RANBP17: variants seen among roughly 807,000 people sequenced by gnomAD.
The protein encoded by RANBP17 is RAN binding protein 17.
RANBP17 carries 158 observed loss-of-function variants against 141.2 expected under a neutral mutation model. The observed-to-expected ratio is 1.12, with a 90% CI of 0.98 to 1.28. The LOEUF (loss-of-function observed/expected upper bound fraction) is 1.28, where lower values mean the gene tolerates loss of function less well. Among genes scored for constraint, RANBP17 ranks in the 50% most tolerant of loss-of-function variants. The pLI is 0.00. For synonymous variants in RANBP17, 430 were observed against 450.0 expected, an observed-to-expected ratio of 0.96 and a Z score of 0.56; for missense variants, 1,438 against 1,290.7, an observed-to-expected ratio of 1.11 and a Z score of -1.75.
rs375856385 is a variant in RANBP17 at position 170,877,353 on chromosome 5, G to C, written c.19-744G>C. Reference sequence around the variant, plus strand: ...GTATCAAGGCTCACTGCAGTCTCAAGCTCCAGGGCTCAAGCGATTCTCCCA... The same window carrying C: ...GTATCAAGGCTCACTGCAGTCTCAACCTCCAGGGCTCAAGCGATTCTCCCA... On this transcript the variant is annotated intron_variant, in intron 1 of 27. Transcript: ENST00000523189. 4.1e-4 allele frequency among the ~76,000 whole-genome samples: 63 copies of C among 152,118 alleles called. 1 individual carries two copies. In the South Asian group the frequency reaches 0.013, roughly 31 times the overall value.
intron 1 of RANBP17, among the ~76,000 whole-genome samples, chr5:170,870,037 A>G (rs1005502455): frequency 6.6e-6 from 1 of 152,136 alleles, no homozygotes; most frequent in African/African-American, 2.4e-5. Flanking sequence ...AGTCTACTTC[A>G]AAGAATCTTA....
At chr5:170,991,165 G>T (rs1179511718) in intron 14 of RANBP17, among the ~76,000 whole-genome samples, 1 of 151,910 alleles carries the variant, frequency 6.6e-6, no homozygotes, top group African/African-American at 2.4e-5. Flanking sequence ...TGTAGGAGAT[G>T]AAAATTATTA....
chr5:170,966,493 AC>A (rs1177947648), intron 13 of RANBP17, among the ~76,000 whole-genome samples: 6 of 152,140 alleles, frequency 3.9e-5, no homozygotes, highest in East Asian at 1.9e-4. Flanking sequence ...AAATTCAACA[AC>A]CCTTCAAGCT....
chr5:170,977,202 T>G (rs1430576025), intron 14 of RANBP17, among the ~76,000 whole-genome samples: 1 of 151,940 alleles, frequency 6.6e-6, no homozygotes, highest in Non-Finnish European at 1.5e-5. Context: ...CAGACATTTC[T>G]CCAAAGAAAA....
chr5:170,877,988 A>G, intron 1 of RANBP17, 109 bp from the exon 2 acceptor site: 1 of 700,940 alleles, frequency 1.4e-6, no homozygotes, highest in Non-Finnish European at 2.2e-6. Context: ...ATAAACATGT[A>G]TTGAATTAAT....
At chr5:171,281,547 G>T (rs769285250) in intron 25 of RANBP17, among the ~76,000 whole-genome samples, 1 of 152,118 alleles carries the variant, frequency 6.6e-6, no homozygotes, top group Admixed American at 6.6e-5. Flanking sequence ...CCTGAAGGCC[G>T]CAGAGACCAC....
Position 170,909,664 on chromosome 5 carries a change from G to T in RANBP17, c.493G>T (p.Asp165Tyr). The T allele has an allele frequency of 7.1e-7, 1 of 1,408,462 alleles. No individual in the cohort carries two copies. Among genetic ancestry groups the T allele is most frequent in the South Asian group, 1.3e-5 (1 of 76,714 alleles). The allele number at this position is 1,408,462 out of a possible 1,614,324, so 87.2% of individuals were successfully genotyped here. The change falls in exon 6 of 28, where the codon GAT (aspartate) becomes TAT (tyrosine). Residue 165 changes from aspartate to tyrosine, a missense_variant. Transcript: ENST00000523189. ...AATTTCATCTTTATCTTTTTAGGTT[G>T]ATTATTCTAGACCTTCAGCAAAACA... ...SELTQEMNLV[D>Y]YSRPSAKHRK...
intron 13 of RANBP17, among the ~76,000 whole-genome samples, chr5:170,958,646 A>C (rs1257515477): frequency 6.6e-6 from 1 of 152,178 alleles, no homozygotes; most frequent in Non-Finnish European, 1.5e-5. Context: ...GTTATATATA[A>C]TAGCATTCCA....
intron 14 of RANBP17, among the ~76,000 whole-genome samples, chr5:171,078,494 T>C (rs1785075173): frequency 6.6e-6 from 1 of 152,226 alleles, no homozygotes; most frequent in African/African-American, 2.4e-5. Context: ...AACAGTCTTC[T>C]GTTGAAGAAA....
At chr5:170,941,711 A>C (rs1774338521) in intron 12 of RANBP17, among the ~76,000 whole-genome samples, 1 of 152,242 alleles carries the variant, frequency 6.6e-6, no homozygotes, top group Non-Finnish European at 1.5e-5. Flanking sequence ...AAAGAAGTAG[A>C]CCACATGAAA....
At chr5:171,238,295 G>A (rs1423728430) in intron 22 of RANBP17, among the ~76,000 whole-genome samples, 1 of 152,066 alleles carries the variant, frequency 6.6e-6, no homozygotes. Context: ...GGCATAAATG[G>A]GTTAATACAG....
chr5:170,954,826 A>G (rs928028661), intron 13 of RANBP17, among the ~76,000 whole-genome samples: 1 of 152,154 alleles, frequency 6.6e-6, no homozygotes, highest in African/African-American at 2.4e-5. Flanking sequence ...ACTCAATACC[A>G]CACGGTGTTC....
At chr5:170,871,966 T>C (rs1220582902) in intron 1 of RANBP17, among the ~76,000 whole-genome samples, 1 of 152,190 alleles carries the variant, frequency 6.6e-6, no homozygotes, top group East Asian at 1.9e-4. Flanking sequence ...GCCTCCAGCT[T>C]TGTTCTTTTT....
intron 19 of RANBP17, among the ~76,000 whole-genome samples, 167 bp from the exon 20 acceptor site, chr5:171,205,357 T>C (rs1004001327): frequency 5.9e-5 from 9 of 152,200 alleles, no homozygotes; most frequent in African/African-American, 1.4e-4. Flanking sequence ...ATCAGCAGAT[T>C]TGATGGTCTG....
At chr5:171,098,528 T>C (rs919279567) in intron 14 of RANBP17, among the ~76,000 whole-genome samples, 2 of 152,244 alleles carry the variant, frequency 1.3e-5, no homozygotes, top group African/African-American at 4.8e-5. Flanking sequence ...TTGTAGATTC[T>C]GGATATTAGC....
chr5:170,992,570 A>G (rs757985577), intron 14 of RANBP17, among the ~76,000 whole-genome samples: 29 of 152,096 alleles, frequency 1.9e-4, no homozygotes, highest in African/African-American at 9.7e-5. Flanking sequence ...GTTGTAAACT[A>G]TAAAGCATTG....
intron 16 of RANBP17, among the ~76,000 whole-genome samples, chr5:171,174,849 G>C (rs868236928): frequency 6.6e-6 from 1 of 151,312 alleles, no homozygotes; most frequent in African/African-American, 2.4e-5. Context: ...TGTGCAGAAC[G>C]TGGAGGTTTG....
intron 14 of RANBP17, among the ~76,000 whole-genome samples, chr5:170,991,840 TATTTAA>T (rs779420903): frequency 1.3e-5 from 2 of 152,034 alleles, no homozygotes; most frequent in Non-Finnish European, 2.9e-5. Context: ...ATTTTACCAC[TATTTAA>T]ATTTAATGGG....
intron 13 of RANBP17, among the ~76,000 whole-genome samples, chr5:170,955,725 T>G (rs1456333756): frequency 2.2e-5 from 3 of 138,112 alleles, no homozygotes; most frequent in African/African-American, 7.9e-5. Context: ...AATGAAATTA[T>G]TTCAATCTAC....
Sources: allele counts gnomAD v4.1 joint callset (sites outside exome capture counted in the v4.1 genomes callset), GRCh38; gene constraint gnomAD v4.1.1; transcripts MANE v1.5; gene names NCBI Gene and HGNC (gene_info 2026-07-23, HGNC 2026-07-21).